The following LRMDA variants were observed in gnomAD, a reference collection of about 807,000 sequenced individuals.
LRMDA encodes leucine-rich melanocyte differentiation-associated protein.
LRMDA carries 18 observed loss-of-function variants against 29.8 expected under a neutral mutation model. The ratio of observed to expected loss-of-function variants is 0.60; its 90% CI spans 0.42 to 0.90. The LOEUF is 0.90. LRMDA is among the 40% of genes least tolerant of loss of function. The pLI, the probability that LRMDA is intolerant of heterozygous loss-of-function variation, is 0.00. For synonymous variants in LRMDA, 125 were observed against 109.4 expected, an observed-to-expected ratio of 1.14 and a Z score of -0.89; for missense variants, 273 against 273.9, an observed-to-expected ratio of 1.00 and a Z score of 0.02.
At chr10:76,315,432 C>G (rs1840680728) in intron 5 of LRMDA, among the ~76,000 whole-genome samples, 1 of 152,336 alleles carries the variant, frequency 6.6e-6, no homozygotes, top group Non-Finnish European at 1.5e-5. Flanking sequence ...AGTGCCTGCT[C>G]CTGCTCCCGG....
chr10:76,324,073 G>A (rs1840804250), intron 5 of LRMDA, among the ~76,000 whole-genome samples: 1 of 152,130 alleles, frequency 6.6e-6, no homozygotes, highest in South Asian at 2.1e-4. Context: ...GGAATTACTG[G>A]GTGAAGGCCT....
At chr10:75,758,412 TG>T (rs1843057860) in intron 2 of LRMDA, among the ~76,000 whole-genome samples, 1 of 152,242 alleles carries the variant, frequency 6.6e-6, no homozygotes, top group South Asian at 2.1e-4. Flanking sequence ...GGTCTGTTCT[TG>T]AAGACCCCAC....
At chr10:76,113,476 A>G (rs893587585) in intron 5 of LRMDA, among the ~76,000 whole-genome samples, 2 of 151,378 alleles carry the variant, frequency 1.3e-5, no homozygotes, top group African/African-American at 2.5e-5. Context: ...ATGAGGGGGG[A>G]AAAAACCAAC....
chr10:76,383,314 G>A (rs917753427), intron 6 of LRMDA, among the ~76,000 whole-genome samples: 4 of 151,722 alleles, frequency 2.6e-5, no homozygotes, highest in Non-Finnish European at 5.9e-5. Flanking sequence ...TGAACTGGCC[G>A]TGTTTTCTCT....
At chr10:76,466,051 A>T (rs1436421863) in intron 6 of LRMDA, among the ~76,000 whole-genome samples, 2 of 152,238 alleles carry the variant, frequency 1.3e-5, no homozygotes, top group Non-Finnish European at 2.9e-5. Flanking sequence ...TTGGTGGGGC[A>T]CAGTTCAGCC....
At chr10:76,292,969 T>G (rs1589414451) in intron 5 of LRMDA, among the ~76,000 whole-genome samples, 1 of 152,234 alleles carries the variant, frequency 6.6e-6, no homozygotes, top group East Asian at 1.9e-4. Flanking sequence ...GTGTGTGTAT[T>G]TAATTATTTA....
intron 5 of LRMDA, among the ~76,000 whole-genome samples, chr10:76,067,774 A>G (rs1050404461): frequency 6.6e-6 from 1 of 152,226 alleles, no homozygotes; most frequent in African/African-American, 2.4e-5. Flanking sequence ...AAAAAGGCCA[A>G]TGACTGACGT....
intron 2 of LRMDA, among the ~76,000 whole-genome samples, chr10:75,667,578 G>A (rs1050721905): frequency 7.9e-5 from 12 of 152,200 alleles, no homozygotes; most frequent in Non-Finnish European, 1.8e-4. Flanking sequence ...TGGGATTACA[G>A]GCATCAGCCA....
At chr10:76,509,693 A>G (rs1320270921) in intron 6 of LRMDA, among the ~76,000 whole-genome samples, 1 of 152,204 alleles carries the variant, frequency 6.6e-6, no homozygotes, top group Non-Finnish European at 1.5e-5. Flanking sequence ...GACAGTAGAG[A>G]TCTGAGAGGC....
At chr10:75,995,571 A>G (rs909138132) in intron 2 of LRMDA, among the ~76,000 whole-genome samples, 2 of 152,216 alleles carry the variant, frequency 1.3e-5, no homozygotes, top group East Asian at 1.9e-4. Context: ...TTCTTTCCTT[A>G]TTTCTAAAAT....
At chr10:76,414,709 C>T (rs549260095) in intron 6 of LRMDA, among the ~76,000 whole-genome samples, 12 of 152,184 alleles carry the variant, frequency 7.9e-5, no homozygotes, top group African/African-American at 2.9e-4. Flanking sequence ...GATTTGTAAC[C>T]CTGAGAAAAC....
At chr10:75,624,749 A>C (rs1841230267) in intron 2 of LRMDA, among the ~76,000 whole-genome samples, 1 of 152,230 alleles carries the variant, frequency 6.6e-6, no homozygotes, top group Admixed American at 6.5e-5. Flanking sequence ...AGCAGTGGGC[A>C]CATTTTTCAT....
chr10:75,780,005 G>C (rs1156795294), intron 2 of LRMDA, among the ~76,000 whole-genome samples: 6 of 152,164 alleles, frequency 3.9e-5, no homozygotes, highest in African/African-American at 1.2e-4. Flanking sequence ...TAGACACAGA[G>C]ACACACAGAG....
chr10:75,496,951 C>T (rs978330280), intron 2 of LRMDA, among the ~76,000 whole-genome samples: 3 of 151,846 alleles, frequency 2.0e-5, no homozygotes, highest in Non-Finnish European at 2.9e-5. Flanking sequence ...CTGCCCTCTC[C>T]CCTCAGGAAT....
chr10:75,952,707 T>C (rs1003929871), intron 2 of LRMDA, among the ~76,000 whole-genome samples: 8 of 152,200 alleles, frequency 5.3e-5, no homozygotes, highest in South Asian at 2.1e-4. Flanking sequence ...CTTTCCTCCT[T>C]ATATGTAGGA....
At chr10:76,447,334 G>A (rs998601591) in intron 6 of LRMDA, among the ~76,000 whole-genome samples, 2 of 152,044 alleles carry the variant, frequency 1.3e-5, no homozygotes, top group Non-Finnish European at 2.9e-5. Context: ...GTTTTTCAGA[G>A]ACAATTATGT....
rs139590346 is a variant in LRMDA, at chr10:76,138,579, T to C, written c.516+79796T>C. Reference sequence around the variant, plus strand: ...CATATTGGGACGCAGAGTAAGTTTTTTTGGCATTCTCTTTGACAGGCTGCT... The same window carrying C: ...CATATTGGGACGCAGAGTAAGTTTTCTTGGCATTCTCTTTGACAGGCTGCT... On this transcript the variant is annotated intron_variant, in intron 5 of 6. Coordinates refer to ENST00000611255, the MANE Select transcript of LRMDA (RefSeq NM_001305581.2). Among the ~76,000 whole-genome samples the C allele has an allele frequency of 3.6e-3, 541 of 152,292 alleles. 5 individuals are homozygous for C. Among genetic ancestry groups the C allele is most frequent in the African/African-American group, 0.012 (490 of 41,552 alleles).
At chr10:76,198,099 T>G (rs566937670) in intron 5 of LRMDA, among the ~76,000 whole-genome samples, 8 of 152,178 alleles carry the variant, frequency 5.3e-5, no homozygotes, top group Non-Finnish European at 1.2e-4. Flanking sequence ...CCAGGCCCTC[T>G]GTCAACCATT....
chr10:75,569,976 T>C (rs1480322635), intron 2 of LRMDA, among the ~76,000 whole-genome samples: 2 of 152,246 alleles, frequency 1.3e-5, no homozygotes, highest in Non-Finnish European at 2.9e-5. Flanking sequence ...AGTAAGCAGA[T>C]AACCCACAGG....
Sources: gnomAD v4.1 joint callset for allele counts (sites outside exome capture counted in the v4.1 genomes callset) on GRCh38, gnomAD v4.1.1 for gene constraint, MANE v1.5 for transcripts, NCBI Gene and HGNC (gene_info 2026-07-23, HGNC 2026-07-21) for gene names.